The following DENND11 variants were observed in gnomAD, a reference collection of about 807,000 sequenced individuals.
DENND11 encodes the protein DENN domain-containing protein 11.
A neutral mutation model predicts 49.2 loss-of-function variants in DENND11; 34 were observed. The observed-to-expected ratio is 0.69, with a 90% CI of 0.53 to 0.92. The LOEUF is 0.92. Ranked by LOEUF, DENND11 falls within the 40% of genes least tolerant of loss-of-function variation. The pLI is 0.00. For missense variants in DENND11, 475 were observed against 581.6 expected (o/e 0.82, Z 1.88); for synonymous variants, 238 against 230.3 (o/e 1.03, Z -0.30).
intron 4 of DENND11, among the ~76,000 whole-genome samples, chr7:141,669,956 G>A (rs1462152482): frequency 4.6e-5 from 7 of 150,710 alleles, no homozygotes; most frequent in South Asian, 2.1e-4. Flanking sequence ...GACTACAGGC[G>A]CCCGCCACCT....
intron 1 of DENND11, among the ~76,000 whole-genome samples, chr7:141,701,230 T>C (rs537686816): frequency 6.6e-6 from 1 of 152,074 alleles, no homozygotes; most frequent in Non-Finnish European, 1.5e-5. Flanking sequence ...TCTCCTTTAA[T>C]CAGCCTTCAG....
rs528255692 is a variant in DENND11, at chr7:141,698,474, C to T, written c.268+3412G>A. On this transcript the variant is annotated intron_variant, in intron 1 of 8. Transcript: ENST00000536163. ...TGATCAGCACCACCATCCTAGGGCC[C>T]CCTGCTCCAGATGAGGACTGAGTGT... Among the ~76,000 whole-genome samples the T allele has an allele frequency of 2.0e-5, 3 of 152,250 alleles. No homozygotes were observed. The East Asian group carries it at 5.8e-4, about 29-fold the overall frequency.
intron 4 of DENND11, among the ~76,000 whole-genome samples, chr7:141,672,560 T>A (rs1382609541): frequency 1.3e-5 from 2 of 152,166 alleles, no homozygotes; most frequent in East Asian, 3.8e-4. Flanking sequence ...ACCCACCTGA[T>A]CTTAGAGGTG....
chr7:141,674,965 C>T (rs577225638), intron 3 of DENND11, among the ~76,000 whole-genome samples: 2 of 152,204 alleles, frequency 1.3e-5, no homozygotes, highest in African/African-American at 4.8e-5. Flanking sequence ...CTGTTTGTCA[C>T]TATATTTAAT....
chr7:141,682,239 T>A (rs1798158518), intron 3 of DENND11, among the ~76,000 whole-genome samples: 1 of 152,190 alleles, frequency 6.6e-6, no homozygotes, highest in Non-Finnish European at 1.5e-5. Context: ...CTCTGTGATG[T>A]CTCCTTTGGG....
intron 7 of DENND11, 22 bp downstream of exon 7, chr7:141,664,882 T>A (rs1461841370): frequency 1.2e-6 from 2 of 1,601,802 alleles, no homozygotes; most frequent in Admixed American, 3.4e-5. Context: ...GAGCCCCTGG[T>A]TCTCCCCTTA....
chr7:141,699,959 TCA>T (rs1165338520), intron 1 of DENND11, among the ~76,000 whole-genome samples: 1 of 151,484 alleles, frequency 6.6e-6, no homozygotes, highest in Non-Finnish European at 1.5e-5. Flanking sequence ...ATACACAAAT[TCA>T]CAAAGCCATG....
At chr7:141,670,000 C>A (rs1418299145) in intron 4 of DENND11, among the ~76,000 whole-genome samples, 1 of 150,998 alleles carries the variant, frequency 6.6e-6, no homozygotes, top group Middle Eastern at 3.4e-3. Context: ...TTAGTAGAGA[C>A]GGGGTTTCAC....
chr7:141,694,550 T>G (rs368890436), intron 1 of DENND11, among the ~76,000 whole-genome samples: 1 of 152,180 alleles, frequency 6.6e-6, no homozygotes, highest in East Asian at 1.9e-4. Context: ...CGTTAGTATA[T>G]GTATTCACGC....
chr7:141,677,049 A>G (rs1798068778), intron 3 of DENND11, among the ~76,000 whole-genome samples: 1 of 152,158 alleles, frequency 6.6e-6, no homozygotes, highest in Non-Finnish European at 1.5e-5. Flanking sequence ...TGTCCCTACC[A>G]CACTGGCAAT....
chr7:141,667,120 C>T (rs1165788196), intron 4 of DENND11, among the ~76,000 whole-genome samples: 2 of 152,200 alleles, frequency 1.3e-5, no homozygotes, highest in African/African-American at 4.8e-5. Context: ...AGGGTTTCAC[C>T]ATGTTGGCCA....
chr7:141,665,484 T>C (rs1243244737), intron 5 of DENND11, among the ~76,000 whole-genome samples, 166 bp from the exon 6 acceptor site: 1 of 152,202 alleles, frequency 6.6e-6, no homozygotes, highest in Non-Finnish European at 1.5e-5. Context: ...TGGGGTGCCA[T>C]GGCAGAAACT....
rs768118686 is a variant in DENND11 at position 141,686,541 on chromosome 7, C to T, written c.368+18G>A. 2 of 1,517,346 alleles carry T rather than the reference C, an allele frequency of 1.3e-6. No homozygotes were observed. The highest frequency in any genetic ancestry group is 9.1e-7 in the Non-Finnish European group (1 of 1,095,312). The allele number at this position is 1,517,346 out of a possible 1,614,324, so 94.0% of individuals were successfully genotyped here. On this transcript the variant is annotated intron_variant, in intron 2 of 8. Coordinates refer to ENST00000536163, the MANE Select transcript of DENND11 (RefSeq NM_001080392.2). ...GGGGGGAATGGTACGAAGATGACTC[C>T]AGTTCAGAAGTACTTACATGAAATC...
intron 3 of DENND11, among the ~76,000 whole-genome samples, chr7:141,684,717 T>C (rs1456341238): frequency 6.6e-6 from 1 of 152,118 alleles, no homozygotes; most frequent in Non-Finnish European, 1.5e-5. Flanking sequence ...ATGCCAAATA[T>C]ATATTTTAAA....
chr7:141,665,960 ACT>A (rs1797888790), intron 5 of DENND11, among the ~76,000 whole-genome samples: 2 of 149,926 alleles, frequency 1.3e-5, no homozygotes, highest in Admixed American at 6.7e-5. Flanking sequence ...GTTATCCTAG[ACT>A]CTGCTTCCAC....
chr7:141,702,164 G>C lies in DENND11; in HGVS notation c.-11C>G. 2 of 981,616 alleles carry C rather than the reference G, an allele frequency of 2.0e-6. No homozygotes were observed. The highest frequency in any genetic ancestry group is 2.4e-6 in the Non-Finnish European group (2 of 828,770). 60.8% of individuals were successfully genotyped at this position (981,616 alleles called of 1,614,324 possible). A position where few individuals can be genotyped will look rare whatever the true frequency, so the allele number is the denominator to read the frequency against. On this transcript the variant is annotated 5_prime_UTR_variant, in exon 1 of 9. Coordinates refer to ENST00000536163, the MANE Select transcript of DENND11 (RefSeq NM_001080392.2). Reference sequence around the variant, plus strand: ...TCCCTGCTCCACCATGGCTAGGCGAGGCGGAGCCGCGGGCGCGAGGGGCGG... The same window carrying C: ...TCCCTGCTCCACCATGGCTAGGCGACGCGGAGCCGCGGGCGCGAGGGGCGG...
chr7:141,664,023 T>C (rs2117050729), intron 8 of DENND11, 149 bp downstream of exon 8: 1 of 587,856 alleles, frequency 1.7e-6, no homozygotes, highest in Non-Finnish European at 3.0e-6. Flanking sequence ...AGGGCTCAGG[T>C]TTGCCTCTGT....
In DENND11 at chr7:141,686,600, C is replaced by G. The variant is rs781102200; in HGVS notation, c.327G>C (p.Lys109Asn). 4.3e-6 allele frequency: 7 copies of G among 1,613,374 alleles called. No individual in the cohort carries two copies. The highest frequency in any genetic ancestry group is 2.7e-5 in the African/African-American group (2 of 74,926). ...TTTTATGGGACCCACTGGCCATAGACTTGAACTCAACACCTTCAAGGTCAA... is the reference window on the plus strand; with the variant it reads ...TTTTATGGGACCCACTGGCCATAGAGTTGAACTCAACACCTTCAAGGTCAA... Reference protein sequence around the residue: ...QDIDLEGVEFKSMASGSHKIQ... With the variant: ...QDIDLEGVEFNSMASGSHKIQ... Residue 109 changes from lysine (K) to asparagine (N), a missense_variant, in exon 2 of 9, where the codon AAG becomes AAC. Physicochemically the swap from Lys to Asn is moderately conservative, Grantham distance 94. Coordinates refer to ENST00000536163, the MANE Select transcript of DENND11 (RefSeq NM_001080392.2).
At chr7:141,677,450 T>C (rs1440987350) in intron 3 of DENND11, among the ~76,000 whole-genome samples, 1 of 145,314 alleles carries the variant, frequency 6.9e-6, no homozygotes, top group Non-Finnish European at 1.5e-5. Context: ...TGTGTGTGTG[T>C]ATTTACATAT....
Sources: allele counts gnomAD v4.1 joint callset (sites outside exome capture counted in the v4.1 genomes callset), GRCh38; gene constraint gnomAD v4.1.1; transcripts MANE v1.5; gene names NCBI Gene and HGNC (gene_info 2026-07-23, HGNC 2026-07-21).